The following ZNF395 variants were observed in gnomAD, a reference collection of about 807,000 sequenced individuals.
ZNF395 encodes the protein zinc finger protein 395.
Under a neutral mutation model 57.7 loss-of-function variants are expected in ZNF395, and 20 were observed. The observed-to-expected ratio is 0.35, with a 90% CI of 0.24 to 0.50. The LOEUF (loss-of-function observed/expected upper bound fraction) is 0.50. ZNF395 is among the 20% of genes least tolerant of loss of function. The pLI is 0.97. For missense variants in ZNF395, 606 were observed against 671.2 expected (o/e 0.90, Z 1.07); for synonymous variants, 295 against 275.9 (o/e 1.07, Z -0.69).
At chr8:28,384,816 G>A (rs1802152100) in intron 1 of ZNF395, among the ~76,000 whole-genome samples, 1 of 152,212 alleles carries the variant, frequency 6.6e-6, no homozygotes, top group South Asian at 2.1e-4. Flanking sequence ...GGCAGCCACT[G>A]CACATTAACT....
chr8:28,367,730 A>G (rs1025652031), intron 1 of ZNF395, among the ~76,000 whole-genome samples: 2 of 152,180 alleles, frequency 1.3e-5, no homozygotes, highest in African/African-American at 2.4e-5. Flanking sequence ...AGGGCTCAGG[A>G]ATCCACAACC....
chr8:28,361,050 C>A lies in ZNF395; in HGVS notation c.75G>T (p.Ser25=). 2 of 1,611,584 alleles carry A rather than the reference C, an allele frequency of 1.2e-6. No homozygotes were observed. The highest frequency in any genetic ancestry group is 1.1e-5 in the South Asian group (1 of 90,910). The part of the protein sequence containing the change: ...LGARVLGPSA[S]EGPSAAPPSE... ...AGGGTGGGGCAGCCGAGGGCCCCTC[C>A]GAGGCACTGGGTCCCAACACCCGGG... Residue 25 remains serine (S), a synonymous_variant, in exon 2 of 10, where the codon TCG becomes TCT. Transcript: ENST00000344423.
intron 1 of ZNF395, among the ~76,000 whole-genome samples, chr8:28,364,299 TA>T (rs1383454637): frequency 1.3e-5 from 2 of 152,180 alleles, no homozygotes; most frequent in Non-Finnish European, 2.9e-5. Flanking sequence ...AACACTCAAT[TA>T]AGTTGATTTT....
rs1217757006 is a variant in ZNF395, at chr8:28,348,143, T to C, written c.*576A>G. ...TCGTCACCAAGAAAGGGATTTCCTTTGACTTCCATGCAGGATGCTCAGACA... is the reference window on the plus strand; with the variant it reads ...TCGTCACCAAGAAAGGGATTTCCTTCGACTTCCATGCAGGATGCTCAGACA... On this transcript the variant is annotated 3_prime_UTR_variant, in exon 10 of 10. Coordinates refer to ENST00000344423, the MANE Select transcript of ZNF395 (RefSeq NM_018660.3). The C allele has an allele frequency of 6.6e-6, 1 of 152,198 alleles. No individual in the cohort carries two copies. Among genetic ancestry groups the C allele is most frequent in the Admixed American group, 6.5e-5 (1 of 15,270 alleles). The allele number at this position is 152,198 out of a possible 1,614,324, so 9.4% of individuals were successfully genotyped here.
rs759364151 is a variant in ZNF395, at chr8:28,350,081, C to T, written c.1309G>A (p.Ala437Thr). 9 of 1,603,540 alleles carry T rather than the reference C, an allele frequency of 5.6e-6. No individual in the cohort carries two copies. Among genetic ancestry groups the T allele is most frequent in the Middle Eastern group, 1.7e-4 (1 of 6,044 alleles). The change falls in exon 8 of 10, where the codon GCC becomes ACC. Residue 437 changes from alanine to threonine, a missense_variant. By Grantham distance (58) the Ala-to-Thr change is moderately conservative (BLOSUM62 0). This residue lies in a region of ZNF395 where 261 missense variants were observed against 240.3 expected (regional missense o/e 1.09). Coordinates refer to ENST00000344423, the MANE Select transcript of ZNF395 (RefSeq NM_018660.3). ...ACACTCACCGGAGAGAGAGAGCAGG[C>T]GGCGGAGGGGGCAGCAGCCCAGCTG... is the stretch of plus-strand genomic sequence containing the variant. ...SVSWAAAPSA[A>T]CSLSPVRSRS...
intron 1 of ZNF395, chr8:28,375,348 A>G (rs1182777964): frequency 4.6e-5 from 7 of 151,798 alleles, no homozygotes; most frequent in Non-Finnish European, 1.0e-4. Flanking sequence ...TGATTGTGCC[A>G]CTGCACTCCA....
intron 1 of ZNF395, among the ~76,000 whole-genome samples, chr8:28,363,430 G>C (rs1406450477): frequency 6.6e-6 from 1 of 152,074 alleles, no homozygotes; most frequent in Non-Finnish European, 1.5e-5. Context: ...CACCGTGCCT[G>C]GCCTTAAACT....
At position 28,361,189 on chromosome 8, in the gene ZNF395, G is replaced by A. The variant is rs985406091; in HGVS notation, c.-58-7C>T. 3 of 1,601,724 alleles carry A rather than the reference G, an allele frequency of 1.9e-6. No homozygotes were observed. The highest frequency in any genetic ancestry group is 2.5e-6 in the Non-Finnish European group (3 of 1,179,266). On this transcript the variant is annotated splice_polypyrimidine_tract_variant and splice_region_variant and intron_variant, in intron 1 of 9. Coordinates refer to ENST00000344423, the MANE Select transcript of ZNF395 (RefSeq NM_018660.3). ...TGAAGCCTCTGCCCATCACCTGGGGGAATCAGGAAGCTTTCAGGAGGGAGC... is the reference window on the plus strand; with the variant it reads ...TGAAGCCTCTGCCCATCACCTGGGGAAATCAGGAAGCTTTCAGGAGGGAGC...
intron 4 of ZNF395, among the ~76,000 whole-genome samples, chr8:28,355,360 A>AT (rs1200417582): frequency 6.6e-6 from 1 of 152,182 alleles, no homozygotes; most frequent in Non-Finnish European, 1.5e-5. Context: ...CTTCAAGATA[A>AT]TTAGGCCAAG....
chr8:28,378,513 T>C (rs1802070761), intron 1 of ZNF395, among the ~76,000 whole-genome samples: 1 of 152,260 alleles, frequency 6.6e-6, no homozygotes, highest in South Asian at 2.1e-4. Context: ...AGTGCTGAGA[T>C]TACAGGCGTG....
chr8:28,365,389 AC>A (rs926511555), intron 1 of ZNF395: 1 of 151,822 alleles, frequency 6.6e-6, no homozygotes, highest in African/African-American at 2.4e-5. Context: ...CCTCCTTCCA[AC>A]CTCTCTCCTC....
Position 28,353,243 on chromosome 8 carries a change from T to G in ZNF395, c.749A>C (p.Gln250Pro). Reference protein sequence around the residue: ...KYLGDAFGSPQTDHGFETDPD... With the variant: ...KYLGDAFGSPPTDHGFETDPD... The stretch of plus-strand genomic sequence containing the variant: ...ATCGGTCTCAAAGCCATGATCAGTT[T>G]GGGGAGAACCAAAAGCATCCCCCAA... The change falls in exon 5 of 10, where the codon CAA becomes CCA. Residue 250 changes from glutamine (Q) to proline (P), a missense_variant. Physicochemically the swap from Gln to Pro is moderately conservative, Grantham distance 76. This residue lies in a region of ZNF395 where 309 missense variants were observed against 374.7 expected (regional missense o/e 0.82). Coordinates refer to ENST00000344423, the MANE Select transcript of ZNF395 (RefSeq NM_018660.3). 1 of 1,436,378 alleles carries G rather than the reference T, an allele frequency of 7.0e-7. No individual in the cohort carries two copies. Among genetic ancestry groups the G allele is most frequent in the Non-Finnish European group, 9.3e-7 (1 of 1,073,678 alleles). The allele number at this position is 1,436,378 out of a possible 1,614,324, so 89.0% of individuals were successfully genotyped here. A position where few individuals can be genotyped will look rare whatever the true frequency, so the allele number is the denominator to read the frequency against.
rs1265824808 is a variant in ZNF395, at chr8:28,351,586, T to A, written c.1142A>T (p.His381Leu). The A allele has an allele frequency of 1.2e-6, 2 of 1,613,742 alleles. No homozygotes were observed. The highest frequency in any genetic ancestry group is 1.1e-5 in the South Asian group (1 of 91,088). ...GGGCAGGGAGGACTCCGGGCCAGGA[T>A]GTTCTGGGCCGGAGGACTGGGCTTT... ...LHKAQSSGPE[H>L]PGPESSLPSG... The change falls in exon 7 of 10, where the codon CAT becomes CTT. Residue 381 changes from histidine to leucine, a missense_variant. His to Leu is a moderately conservative substitution (Grantham distance 99). Coordinates refer to ENST00000344423, the MANE Select transcript of ZNF395 (RefSeq NM_018660.3).
intron 1 of ZNF395, among the ~76,000 whole-genome samples, chr8:28,383,705 C>T (rs1395041537): frequency 1.3e-5 from 2 of 152,038 alleles, no homozygotes; most frequent in Admixed American, 1.3e-4. Flanking sequence ...AGGCATCCTC[C>T]GCTGCCCCCC....
At chr8:28,350,004 G>C (rs1031161873) in intron 8 of ZNF395, 60 bp downstream of exon 8, 1 of 1,454,130 alleles carries the variant, frequency 6.9e-7, no homozygotes, top group Non-Finnish European at 9.1e-7. Context: ...CTCCAGCCCT[G>C]GGATGTGTGG....
intron 1 of ZNF395, 33 bp from the exon 2 acceptor site, chr8:28,361,215 C>T: frequency 2.5e-6 from 4 of 1,579,228 alleles, no homozygotes; most frequent in Non-Finnish European, 3.4e-6. Flanking sequence ...AGGAGGGAGC[C>T]CCACACAGCA....
At chr8:28,349,270 G>C (rs766018564) in intron 8 of ZNF395, 42 bp from the exon 9 acceptor site, 1 of 1,467,330 alleles carries the variant, frequency 6.8e-7, no homozygotes, top group Non-Finnish European at 9.1e-7. Flanking sequence ...GGACATTCAG[G>C]AAAGGTGAGG....
intron 8 of ZNF395, 55 bp downstream of exon 8, chr8:28,350,009 G>A: frequency 4.7e-6 from 7 of 1,474,472 alleles, no homozygotes; most frequent in Non-Finnish European, 5.4e-6. Flanking sequence ...GCCCTGGGAT[G>A]TGTGGGAGAG....
chr8:28,364,377 G>A (rs1325985963), intron 1 of ZNF395, among the ~76,000 whole-genome samples: 2 of 152,142 alleles, frequency 1.3e-5, no homozygotes, highest in Admixed American at 6.5e-5. Context: ...CTGGACAGGT[G>A]CAGTGGCTCA....
Sources: gnomAD v4.1 joint callset for allele counts (sites outside exome capture counted in the v4.1 genomes callset) on GRCh38, gnomAD v4.1.1 for gene constraint, gnomAD v4.1.1 regional missense constraint, MANE v1.5 for transcripts, NCBI Gene and HGNC (gene_info 2026-07-23, HGNC 2026-07-21) for gene names.